Variants in DNAH17 observed in about 807,000 individuals in gnomAD.
DNAH17 encodes dynein axonemal heavy chain 17, also known as axonemal beta dynein heavy chain 17.
DNAH17 carries 376 observed loss-of-function variants against 485.6 expected under a neutral mutation model. The observed-to-expected ratio is 0.77, with a 90% CI of 0.71 to 0.84. The LOEUF is 0.84. Ranked by LOEUF, DNAH17 falls within the 40% of genes least tolerant of loss-of-function variation. The pLI, the probability that DNAH17 is intolerant of heterozygous loss-of-function variation, is 0.00. For synonymous variants in DNAH17, 3,031 were observed against 2,405.9 expected, an observed-to-expected ratio of 1.26 and a Z score of -7.60; for missense variants, 6,370 against 5,839.3, an observed-to-expected ratio of 1.09 and a Z score of -2.96.
chr17:78,566,650 T>C lies in DNAH17; in HGVS notation c.1533A>G (p.Gly511=). ...DRRLATIFCQ[G]FDDCSCIKSS... ...ACTTGATACAGCTGCAGTCATCAAA[T>C]CCTTGGCAAAAGATCGTGGCCAGCC... The change falls in exon 11 of 81, where the codon GGA becomes GGG. Residue 511 remains glycine, a synonymous_variant. Coordinates refer to ENST00000389840, the MANE Select transcript of DNAH17 (RefSeq NM_173628.4). 1 of 1,610,838 alleles carries C rather than the reference T, an allele frequency of 6.2e-7. No individual in the cohort carries two copies. The highest frequency in any genetic ancestry group is 8.5e-7 in the Non-Finnish European group (1 of 1,178,586).
At chr17:78,534,805 A>C (rs756533218) in intron 19 of DNAH17, among the ~76,000 whole-genome samples, 2 of 152,050 alleles carry the variant, frequency 1.3e-5, no homozygotes, top group African/African-American at 2.4e-5. Context: ...TCAGCTCTCT[A>C]AATCCCTGTG....
rs1349662528 is a variant in DNAH17 at position 78,566,749 on chromosome 17, G to A, written c.1453-19C>T. The A allele has an allele frequency of 5.8e-6, 9 of 1,561,270 alleles. No homozygotes were observed. The highest frequency in any genetic ancestry group is 7.0e-6 in the Non-Finnish European group (8 of 1,147,460). ...CAAAATTCTAAAAGCAAATGGAAAT[G>A]TCAACCTTGTAATCAGCGTGCAAAG... On this transcript the variant is annotated intron_variant, in intron 10 of 80. Coordinates refer to ENST00000389840, the MANE Select transcript of DNAH17 (RefSeq NM_173628.4).
intron 24 of DNAH17, 106 bp downstream of exon 24, chr17:78,526,545 G>C (rs1369287662): frequency 3.1e-6 from 3 of 976,948 alleles, no homozygotes; most frequent in Non-Finnish European, 4.5e-6. Context: ...CCCAAGGTCA[G>C]TCCGGCGGAG....
Position 78,501,186 on chromosome 17 carries a change from G to A in DNAH17, c.5481C>T (p.Asp1827=), listed in dbSNP as rs769035768. The A allele has an allele frequency of 1.9e-6, 3 of 1,575,986 alleles. No individual in the cohort carries two copies. The highest frequency in any genetic ancestry group is 1.7e-6 in the Non-Finnish European group (2 of 1,152,552). ...TPRLVITPLT[D]RCYITLTQSL... ...AGTTACTCAGGGACGGGCCTCACCT[G>A]TCAGTGAGTGGGGTGATGACCAGCC... The change falls in exon 35 of 81, where the codon GAC becomes GAT. Residue 1827 remains aspartate (D), a splice_region_variant and synonymous_variant. Transcript: ENST00000389840.
chr17:78,532,928 G>A (rs2091280190), intron 19 of DNAH17, 192 bp from the exon 20 acceptor site: 4 of 606,184 alleles, frequency 6.6e-6, no homozygotes, highest in Non-Finnish European at 1.1e-5. Context: ...CCACTCCTGG[G>A]AGGTCACCAT....
chr17:78,450,159 A>G lies in DNAH17; in HGVS notation c.11040+95T>C, dbSNP rs550664869. The G allele has an allele frequency of 3.4e-6, 5 of 1,471,710 alleles. No individual in the cohort carries two copies. The African/African-American group carries it at 5.5e-5, about 16-fold the overall frequency. The allele number at this position is 1,471,710 out of a possible 1,614,324, so 91.2% of individuals were successfully genotyped here. A position where few individuals can be genotyped will look rare whatever the true frequency, so the allele number is the denominator to read the frequency against. On this transcript the variant is annotated intron_variant, in intron 68 of 80. Coordinates refer to ENST00000389840, the MANE Select transcript of DNAH17 (RefSeq NM_173628.4). The stretch of plus-strand genomic sequence containing the variant: ...TCTGCCCTCTGAGGGTGGCCCTGGC[A>G]CTGCCCGATGGCTGTGTGGGCAACA...
chr17:78,461,420 G>T, intron 58 of DNAH17, 124 bp downstream of exon 58: 1 of 1,068,894 alleles, frequency 9.4e-7, no homozygotes, highest in Non-Finnish European at 1.3e-6. Context: ...TAGGAACCTT[G>T]TCCTTCTATG....
rs554842467 is a variant in DNAH17 at position 78,528,374 on chromosome 17, C to A, written c.3507+1098G>T. 1.3e-3 allele frequency among the ~76,000 whole-genome samples: 193 copies of A among 152,282 alleles called. 1 individual carries two copies. The highest frequency in any genetic ancestry group is 2.2e-3 in the Non-Finnish European group (147 of 68,026). ...TTCCTGGGCTCAACTGATCCTCCCA[C>A]CTCCTGAGCAGCTGGGACTACAGGT... On this transcript the variant is annotated intron_variant, in intron 22 of 80. Coordinates refer to ENST00000389840, the MANE Select transcript of DNAH17 (RefSeq NM_173628.4).
At chr17:78,488,190 G>T (rs1345417047) in intron 44 of DNAH17, among the ~76,000 whole-genome samples, 1 of 152,172 alleles carries the variant, frequency 6.6e-6, no homozygotes, top group Non-Finnish European at 1.5e-5. Context: ...CGTAGCACAG[G>T]CCCCAGGAGA....
chr17:78,553,723 T>G (rs1209309119), intron 14 of DNAH17, among the ~76,000 whole-genome samples: 1 of 152,244 alleles, frequency 6.6e-6, no homozygotes, highest in Non-Finnish European at 1.5e-5. Flanking sequence ...TACTGTTTTA[T>G]GTTATAGTAT....
chr17:78,550,470 G>A (rs2091878128), intron 16 of DNAH17, among the ~76,000 whole-genome samples: 1 of 152,284 alleles, frequency 6.6e-6, no homozygotes, highest in Non-Finnish European at 1.5e-5. Flanking sequence ...TTAAAGAGGT[G>A]CTTAAGTTAA....
chr17:78,558,880 G>GA (rs2092090256), intron 13 of DNAH17, among the ~76,000 whole-genome samples: 1 of 152,156 alleles, frequency 6.6e-6, no homozygotes, highest in Non-Finnish European at 1.5e-5. Context: ...CCATATTGCT[G>GA]AATCCACTGG....
chr17:78,429,778 G>A (rs1330050246), intron 75 of DNAH17, among the ~76,000 whole-genome samples: 2 of 152,216 alleles, frequency 1.3e-5, no homozygotes, highest in Non-Finnish European at 2.9e-5. Flanking sequence ...CTCCAGTGCC[G>A]TCAACCTTTT....
intron 19 of DNAH17, among the ~76,000 whole-genome samples, chr17:78,536,766 G>T (rs1325679995): frequency 6.8e-6 from 1 of 146,870 alleles, no homozygotes; most frequent in Non-Finnish European, 1.5e-5. Context: ...GAAGGATGAT[G>T]AGGGAATGAA....
At chr17:78,537,924 A>C (rs1477877631) in intron 18 of DNAH17, among the ~76,000 whole-genome samples, 1 of 152,168 alleles carries the variant, frequency 6.6e-6, no homozygotes, top group African/African-American at 2.4e-5. Flanking sequence ...GGATCACCTG[A>C]GGTCAGGAGT....
In DNAH17 at chr17:78,462,764, T is replaced by C. The variant is rs2088201017; in HGVS notation, c.9174+80A>G. On this transcript the variant is annotated intron_variant, in intron 57 of 80. Coordinates refer to ENST00000389840, the MANE Select transcript of DNAH17 (RefSeq NM_173628.4). ...GCTGAGCCCCAGTGTGACCAGCCCG[T>C]GGATGCCTGTGACAGTAGCAGCTCC... The C allele has an allele frequency of 2.1e-6, 3 of 1,425,034 alleles. No individual in the cohort carries two copies. In the South Asian group the frequency reaches 3.7e-5, roughly 18 times the overall value. The allele number at this position is 1,425,034 out of a possible 1,614,324, so 88.3% of individuals were successfully genotyped here.
intron 63 of DNAH17, 104 bp from the exon 64 acceptor site, chr17:78,454,809 G>A (rs2087719453): frequency 1.1e-6 from 1 of 951,332 alleles, no homozygotes; most frequent in South Asian, 1.6e-5. Flanking sequence ...GGTTAGGGGT[G>A]GACCAGCAGG....
At chr17:78,472,291 TTAGGGA>T (rs2088793782) in intron 54 of DNAH17, among the ~76,000 whole-genome samples, 1 of 145,220 alleles carries the variant, frequency 6.9e-6, no homozygotes, top group African/African-American at 2.8e-5. Context: ...AGGGTTAGGG[TTAGGGA>T]GTGGGGGTGC....
At chr17:78,449,884 C>T in intron 68 of DNAH17, 1 of 429,502 alleles carries the variant, frequency 2.3e-6, no homozygotes, top group East Asian at 4.2e-5. Flanking sequence ...CCATGTTGGT[C>T]AGGCTGGTCT....
Sources: gnomAD v4.1 joint callset for allele counts (sites outside exome capture counted in the v4.1 genomes callset) on GRCh38, gnomAD v4.1.1 for gene constraint, MANE v1.5 for transcripts, NCBI Gene and HGNC (gene_info 2026-07-23, HGNC 2026-07-21) for gene names.